CBX8: variants seen among roughly 807,000 people sequenced by gnomAD.
The protein encoded by CBX8 is chromobox protein homolog 8.
A neutral mutation model predicts 39.7 loss-of-function variants in CBX8; 8 were observed. That is an observed-to-expected ratio of 0.20 (90% CI 0.12 to 0.36). The LOEUF (loss-of-function observed/expected upper bound fraction) is 0.36. CBX8 is among the 10% of genes least tolerant of loss of function. The pLI is 1.00. For missense variants in CBX8, 505 were observed against 529.6 expected, an observed-to-expected ratio of 0.95 and a Z score of 0.46; for synonymous variants, 268 against 219.8, an observed-to-expected ratio of 1.22 and a Z score of -1.94.
At chr17:79,796,656 G>C in intron 1 of CBX8, 116 bp from the exon 2 acceptor site, 1 of 1,187,090 alleles carries the variant, frequency 8.4e-7, no homozygotes, top group Non-Finnish European at 1.3e-6. Flanking sequence ...GCCGCAAAAG[G>C]CACGCGCCCG....
rs773352409 is a variant in CBX8 at position 79,794,962 on chromosome 17, C to T, written c.843G>A (p.Pro281=). The T allele has an allele frequency of 1.0e-5, 16 of 1,604,682 alleles. No individual in the cohort carries two copies. Among genetic ancestry groups the T allele is most frequent in the South Asian group, 5.6e-5 (5 of 89,900 alleles). Residue 281 remains proline, a synonymous_variant, in exon 5 of 5, where the codon CCG becomes CCA. Transcript: ENST00000269385. The part of the protein sequence containing the change: ...ATGKLAVDTF[P]ARVIKHRAAF... ...CAGCCCTGTGCTTTATCACCCTGGCCGGGAAGGTGTCCACAGCCAGTTTGC... is the reference window on the plus strand; with the variant it reads ...CAGCCCTGTGCTTTATCACCCTGGCTGGGAAGGTGTCCACAGCCAGTTTGC...
rs558358354 is a variant in CBX8, at chr17:79,792,994, A to G, written c.*1641T>C. On this transcript the variant is annotated 3_prime_UTR_variant, in exon 5 of 5. Transcript: ENST00000269385. ...CTCCCTCAACAAGCAATGGGAAGTT[A>G]GATCTTCGCTGGCCCTTTAAGGGCG... 6.6e-6 allele frequency: 1 copy of G among 151,702 alleles called. No homozygotes were observed. Among genetic ancestry groups the G allele is most frequent in the African/African-American group, 2.4e-5 (1 of 41,376 alleles). The allele number at this position is 151,702 out of a possible 1,614,324, so 9.4% of individuals were successfully genotyped here. A position where few individuals can be genotyped will look rare whatever the true frequency, so the allele number is the denominator to read the frequency against.
In CBX8 at chr17:79,792,269, TTAAA is replaced by T. The variant is rs1416883589; in HGVS notation, c.*2362_*2365del. ...TTGGAGATTTGTACAAATCTTAGAA[TTAAA>T]TAAACCCAACAGCGCACACACCCTG... On this transcript the variant is annotated 3_prime_UTR_variant, in exon 5 of 5. Coordinates refer to ENST00000269385, the MANE Select transcript of CBX8 (RefSeq NM_020649.3). The T allele has an allele frequency of 6.6e-6, 1 of 152,132 alleles. No individual in the cohort carries two copies. The highest frequency in any genetic ancestry group is 2.4e-5 in the African/African-American group (1 of 41,416). 9.4% of individuals were successfully genotyped at this position (152,132 alleles called of 1,614,324 possible).
rs1457754607 is a variant in CBX8, at chr17:79,795,522, G to A, written c.283C>T (p.Arg95Ter). Reference sequence around the variant, plus strand: ...CGGATGCCCCTGGCTGAGTCACTTCGAAACTCGTAAGTTTTGGCCTTTGCC... The same window carrying A: ...CGGATGCCCCTGGCTGAGTCACTTCAAAACTCGTAAGTTTTGGCCTTTGCC... ...AKAKAKTYEF[R>*]SDSARGIRIP... The change falls in exon 5 of 5, where the codon CGA (arginine) becomes TGA (stop). Residue 95 changes from arginine (R) to a stop codon, truncating the protein, a stop_gained. Coordinates refer to ENST00000269385, the MANE Select transcript of CBX8 (RefSeq NM_020649.3). LOFTEE classifies it high-confidence loss of function. This position sits in a 1 kb window ranked among gnomAD's most constrained non-coding sequence, Gnocchi z 5.8. The A allele has an allele frequency of 6.5e-7, 1 of 1,536,574 alleles. No individual in the cohort carries two copies. The highest frequency in any genetic ancestry group is 8.7e-7 in the Non-Finnish European group (1 of 1,143,676).
At position 79,796,920 on chromosome 17, in the gene CBX8, G is replaced by A; in HGVS notation, c.69+10C>T. On this transcript the variant is annotated intron_variant, in intron 1 of 4. Coordinates refer to ENST00000269385, the MANE Select transcript of CBX8 (RefSeq NM_020649.3). The stretch of plus-strand genomic sequence containing the variant: ...GGCCGCACGGAGGCCCTAGGCCCGG[G>A]GGCACCTACTTTCCGTATGCGCCGC... The A allele has an allele frequency of 6.2e-7, 1 of 1,602,402 alleles. No homozygotes were observed. Among genetic ancestry groups the A allele is most frequent in the Non-Finnish European group, 8.5e-7 (1 of 1,175,484 alleles).
At position 79,795,783 on chromosome 17, in the gene CBX8, T is replaced by A. The variant is rs904442727; in HGVS notation, c.247-225A>T. Among the ~76,000 whole-genome samples the A allele has an allele frequency of 6.6e-6, 1 of 152,170 alleles. No homozygotes were observed. The highest frequency in any genetic ancestry group is 1.9e-4 in the East Asian group (1 of 5,202). ...TGAGAGAAGAGGTAGAAGATTTGGC[T>A]GGAAGTAGTCATTTGCAAAAAGTAC... On this transcript the variant is annotated intron_variant, in intron 4 of 4. Transcript: ENST00000269385. This position sits in a 1 kb window ranked among gnomAD's most constrained non-coding sequence, Gnocchi z 5.8.
At position 79,795,322 on chromosome 17, in the gene CBX8, A is replaced by ATCCCGC; in HGVS notation, c.477_482dup (p.Glu159_Arg160dup). On this transcript the variant is annotated inframe_insertion, in exon 5 of 5. Coordinates refer to ENST00000269385, the MANE Select transcript of CBX8 (RefSeq NM_020649.3). This position sits in a 1 kb window ranked among gnomAD's most constrained non-coding sequence, Gnocchi z 5.8. ...TCTCTCGCTCCCTCTCCCTTTCTCGATCCCGCTCCCGGTCCCTATCCCGGT... is the reference window on the plus strand; with the variant it reads ...TCTCTCGCTCCCTCTCCCTTTCTCGATCCCGCTCCCGCTCCCGGTCCCTATCCCGGT... 2 of 1,580,830 alleles carry ATCCCGC rather than the reference A, an allele frequency of 1.3e-6. No homozygotes were observed. Among genetic ancestry groups the ATCCCGC allele is most frequent in the East Asian group, 2.3e-5 (1 of 43,708 alleles).
chr17:79,795,342 C>A lies in CBX8; in HGVS notation c.463G>T (p.Asp155Tyr). 1 of 1,589,034 alleles carries A rather than the reference C, an allele frequency of 6.3e-7. No homozygotes were observed. ...EAPRDRDRDR[D>Y]RDRERDRERE... ...TCTCGATCCCGCTCCCGGTCCCTAT[C>A]CCGGTCTCGGTCCCGGTCCCGAGGG... The change falls in exon 5 of 5, where the codon GAT (aspartate) becomes TAT (tyrosine). Residue 155 changes from aspartate (D) to tyrosine (Y), a missense_variant. Asp to Tyr is a radical substitution (Grantham distance 160, BLOSUM62 -3). Around this residue, in one of 3 missense-constraint regions of CBX8, gnomAD observed 456 missense variants for 389.2 expected, o/e 1.17. Transcript: ENST00000269385. This position sits in a 1 kb window ranked among gnomAD's most constrained non-coding sequence, Gnocchi z 5.8.
intron 1 of CBX8, 29 bp from the exon 2 acceptor site, chr17:79,796,569 G>C: frequency 6.2e-7 from 1 of 1,613,354 alleles, no homozygotes; most frequent in Non-Finnish European, 8.5e-7. Context: ...TAATGTGTGT[G>C]CATGGGGAGA....
At position 79,795,628 on chromosome 17, in the gene CBX8, C is replaced by T; in HGVS notation, c.247-70G>A. 6.3e-6 allele frequency: 7 copies of T among 1,119,758 alleles called. No individual in the cohort carries two copies. Among genetic ancestry groups the T allele is most frequent in the South Asian group, 1.7e-5 (1 of 59,200 alleles). 69.4% of individuals were successfully genotyped at this position (1,119,758 alleles called of 1,614,324 possible). A position where few individuals can be genotyped will look rare whatever the true frequency, so the allele number is the denominator to read the frequency against. ...CACCCCCACAGGACTCCTCCTCTAT[C>T]CCTGACCTCCTATCTTTACCCTATG... On this transcript the variant is annotated intron_variant, in intron 4 of 4. Transcript: ENST00000269385. The surrounding 1 kb of genome is among the most constrained non-coding windows in gnomAD (Gnocchi z 5.8).
rs943810097 is a variant in CBX8, at chr17:79,794,561, G to A, written c.*74C>T. On this transcript the variant is annotated 3_prime_UTR_variant, in exon 5 of 5. Coordinates refer to ENST00000269385, the MANE Select transcript of CBX8 (RefSeq NM_020649.3). ...CAGCCAAAAGGCCACATCCCACCCA[G>A]AAATAAAAATCACTATGCCAAGCTC... is the stretch of plus-strand genomic sequence containing the variant. 1 of 1,229,720 alleles carries A rather than the reference G, an allele frequency of 8.1e-7. No homozygotes were observed. Among genetic ancestry groups the A allele is most frequent in the Non-Finnish European group, 1.1e-6 (1 of 883,812 alleles). The allele number at this position is 1,229,720 out of a possible 1,614,324, so 76.2% of individuals were successfully genotyped here.
chr17:79,796,398 C>T, intron 2 of CBX8, 83 bp from the exon 3 acceptor site: 7 of 1,594,550 alleles, frequency 4.4e-6, no homozygotes, highest in Non-Finnish European at 6.0e-6. Flanking sequence ...TAACTTTTCT[C>T]ATTGCATTGT....
At position 79,795,266 on chromosome 17, in the gene CBX8, C is replaced by G; in HGVS notation, c.539G>C (p.Arg180Pro). Residue 180 changes from arginine to proline, a missense_variant, in exon 5 of 5, where the codon CGG becomes CCG. Arg to Pro is a moderately radical substitution (Grantham distance 103). This residue lies in a region of CBX8 where 456 missense variants were observed against 389.2 expected (regional missense o/e 1.17). Coordinates refer to ENST00000269385, the MANE Select transcript of CBX8 (RefSeq NM_020649.3). This position sits in a 1 kb window ranked among gnomAD's most constrained non-coding sequence, Gnocchi z 5.8. Reference protein sequence around the residue: ...RERERERERERGTSRVDDKPS... With the variant: ...REREREREREPGTSRVDDKPS... Reference sequence around the variant, plus strand: ...CTTGTCATCCACTCTGCTGGTACCCCGCTCTCGTTCCCTCTCACGTTCCCG... The same window carrying G: ...CTTGTCATCCACTCTGCTGGTACCCGGCTCTCGTTCCCTCTCACGTTCCCG... 1 of 1,609,578 alleles carries G rather than the reference C, an allele frequency of 6.2e-7. No homozygotes were observed.
rs758059630 is a variant in CBX8 at position 79,795,443 on chromosome 17, C to T, written c.362G>A (p.Arg121Gln). ...PQDLASTSRA[R>Q]EGLRNMGLSP... ...CAAACCCATGTTTCGAAGGCCCTCC[C>T]GGGCCCGGGAAGTGGAGGCCAGGTC... Residue 121 changes from arginine to glutamine, a missense_variant, in exon 5 of 5, where the codon CGG (arginine) becomes CAG (glutamine). Around this residue, in one of 3 missense-constraint regions of CBX8, gnomAD observed 456 missense variants for 389.2 expected, o/e 1.17. Transcript: ENST00000269385. This position sits in a 1 kb window ranked among gnomAD's most constrained non-coding sequence, Gnocchi z 5.8. 12 of 1,605,950 alleles carry T rather than the reference C, an allele frequency of 7.5e-6. No homozygotes were observed. The highest frequency in any genetic ancestry group is 2.2e-5 in the East Asian group (1 of 44,686).
At position 79,797,044 on chromosome 17, in the gene CBX8, G is replaced by T; in HGVS notation, c.-46C>A. On this transcript the variant is annotated 5_prime_UTR_variant, in exon 1 of 5. Coordinates refer to ENST00000269385, the MANE Select transcript of CBX8 (RefSeq NM_020649.3). ...CTTGGCCGCTTCCAGGAGCAGAAAA[G>T]CAGCAGCCAGCGCACGACAGACCAT... is the stretch of plus-strand genomic sequence containing the variant. The T allele has an allele frequency of 6.4e-7, 1 of 1,572,112 alleles. No individual in the cohort carries two copies.
intron 1 of CBX8, 49 bp from the exon 2 acceptor site, chr17:79,796,589 CGAG>C (rs1568508499): frequency 6.2e-7 from 1 of 1,604,512 alleles, no homozygotes; most frequent in Admixed American, 1.7e-5. Context: ...AAACGCATGA[CGAG>C]GATACAAGAA....
At position 79,793,797 on chromosome 17, in the gene CBX8, A is replaced by C. The variant is rs1907963140; in HGVS notation, c.*838T>G. On this transcript the variant is annotated 3_prime_UTR_variant, in exon 5 of 5. Coordinates refer to ENST00000269385, the MANE Select transcript of CBX8 (RefSeq NM_020649.3). ...ATCCTGGCATTTCGGGAATGTAAAC[A>C]GATTCGCTGGATTTCTTTTCTTTCT... 1 of 152,254 alleles carries C rather than the reference A, an allele frequency of 6.6e-6. No individual in the cohort carries two copies. Among genetic ancestry groups the C allele is most frequent in the Non-Finnish European group, 1.5e-5 (1 of 68,050 alleles). The allele number at this position is 152,254 out of a possible 1,614,324, so 9.4% of individuals were successfully genotyped here.
chr17:79,795,291 GCTCCCTCTCTCGCTCCCT>G lies in CBX8; in HGVS notation c.496_513del (p.Glu175_Arg180del). 3 of 1,595,930 alleles carry G rather than the reference GCTCCCTCTCTCGCTCCCT, an allele frequency of 1.9e-6. No individual in the cohort carries two copies. The highest frequency in any genetic ancestry group is 2.6e-6 in the Non-Finnish European group (3 of 1,171,188). On this transcript the variant is annotated inframe_deletion, in exon 5 of 5. Transcript: ENST00000269385. This position sits in a 1 kb window ranked among gnomAD's most constrained non-coding sequence, Gnocchi z 5.8. The stretch of plus-strand genomic sequence containing the variant: ...CGCTCTCGTTCCCTCTCACGTTCCC[GCTCCCTCTCTCGCTCCCT>G]CTCCCTTTCTCGATCCCGCTCCCGG...
Position 79,795,129 on chromosome 17 carries a change from G to T in CBX8, c.676C>A (p.Leu226Ile). ...GTGTCGTCCAGCTTCCTGCCCTTGAGGTACTCTCCGAGGCCGGCGCTGGGT... is the reference window on the plus strand; with the variant it reads ...GTGTCGTCCAGCTTCCTGCCCTTGATGTACTCTCCGAGGCCGGCGCTGGGT... ...GEPSAGLGEY[L>I]KGRKLDDTPS... Residue 226 changes from leucine to isoleucine, a missense_variant, in exon 5 of 5, where the codon CTC becomes ATC. This residue lies in a region of CBX8 where 456 missense variants were observed against 389.2 expected (regional missense o/e 1.17). Coordinates refer to ENST00000269385, the MANE Select transcript of CBX8 (RefSeq NM_020649.3). This position sits in a 1 kb window ranked among gnomAD's most constrained non-coding sequence, Gnocchi z 5.8. The T allele has an allele frequency of 6.2e-7, 1 of 1,613,612 alleles. No homozygotes were observed. The highest frequency in any genetic ancestry group is 8.5e-7 in the Non-Finnish European group (1 of 1,179,900).
Sources: allele counts gnomAD v4.1 joint callset (sites outside exome capture counted in the v4.1 genomes callset), GRCh38; gene constraint gnomAD v4.1.1; regional missense constraint gnomAD v4.1.1; non-coding constraint Gnocchi (gnomAD v3.1); transcripts MANE v1.5; gene names NCBI Gene and HGNC (gene_info 2026-07-23, HGNC 2026-07-21).